The following EIF3H variants were observed in gnomAD, a reference collection of about 807,000 sequenced individuals.
EIF3H encodes eIF-3-gamma.
EIF3H carries 26 observed loss-of-function variants against 44.2 expected under a neutral mutation model. That is an observed-to-expected ratio of 0.59 (90% CI 0.43 to 0.82). The LOEUF (loss-of-function observed/expected upper bound fraction) is 0.82. EIF3H is among the 40% of genes least tolerant of loss of function. The pLI, the probability that EIF3H is intolerant of heterozygous loss-of-function variation, is 0.00. For synonymous variants in EIF3H, 166 were observed against 151.9 expected, an observed-to-expected ratio of 1.09 and a Z score of -0.68; for missense variants, 359 against 432.8, an observed-to-expected ratio of 0.83 and a Z score of 1.51.
chr8:116,749,852 G>A (rs185414642), intron 1 of EIF3H, among the ~76,000 whole-genome samples: 1 of 8,204 alleles, frequency 1.2e-4, no homozygotes, highest in East Asian at 8.8e-4. Context: ...AACAAGCCCT[G>A]TGGAGGGACT....
At chr8:116,713,831 G>GT (rs2130904443) in intron 2 of EIF3H, among the ~76,000 whole-genome samples, 1 of 152,034 alleles carries the variant, frequency 6.6e-6, no homozygotes, top group South Asian at 2.1e-4. Flanking sequence ...AAAATACTAC[G>GT]TAACAAAAAG....
chr8:116,684,246 G>T (rs983522898), intron 2 of EIF3H, among the ~76,000 whole-genome samples: 2 of 152,204 alleles, frequency 1.3e-5, no homozygotes, highest in African/African-American at 4.8e-5. Context: ...AAACTGGGCA[G>T]AAAGGATCAA....
chr8:116,749,762 G>T (rs941148808), intron 1 of EIF3H, among the ~76,000 whole-genome samples: 1 of 65,704 alleles, frequency 1.5e-5, no homozygotes, highest in African/African-American at 5.8e-5. Flanking sequence ...ACATGCTTAG[G>T]TAGGCTTATA....
chr8:116,756,094 G>T (rs558449707), upstream of EIF3H: 46 of 1,256,346 alleles, frequency 3.7e-5, no homozygotes, highest in African/African-American at 6.1e-4. Flanking sequence ...ATTACAGTTC[G>T]CATTATTTCT....
At chr8:116,686,890 C>T (rs1814087373) in intron 2 of EIF3H, among the ~76,000 whole-genome samples, 1 of 152,086 alleles carries the variant, frequency 6.6e-6, no homozygotes, top group African/African-American at 2.4e-5. Flanking sequence ...AATCTTCAAA[C>T]AATCTTATAC....
intron 2 of EIF3H, among the ~76,000 whole-genome samples, chr8:116,702,006 A>T (rs987677070): frequency 6.6e-6 from 1 of 151,600 alleles, no homozygotes; most frequent in Non-Finnish European, 1.5e-5. Flanking sequence ...TTTTTTTTTT[A>T]AATAAAAGAT....
chr8:116,729,494 C>T (rs1026722640), intron 1 of EIF3H, among the ~76,000 whole-genome samples: 1 of 152,190 alleles, frequency 6.6e-6, no homozygotes, highest in Admixed American at 6.5e-5. Flanking sequence ...GCTTGCCAAA[C>T]AGCCAATGCA....
rs184554178 is a variant in EIF3H, at chr8:116,696,929, A to T, written c.289+29087T>A. ...TTTTGTAAAAGAAAACACAAAACCAACAGTTAAGGCAGAACATGTACACAA... is the reference window on the plus strand; with the variant it reads ...TTTTGTAAAAGAAAACACAAAACCATCAGTTAAGGCAGAACATGTACACAA... On this transcript the variant is annotated intron_variant, in intron 2 of 7. Coordinates refer to ENST00000521861, the MANE Select transcript of EIF3H (RefSeq NM_003756.3). 9.2e-5 allele frequency: 30 copies of T among 325,276 alleles called. No individual in the cohort carries two copies. The East Asian group carries it at 2.3e-3, about 25-fold the overall frequency. The allele number at this position is 325,276 out of a possible 1,614,324, so 20.1% of individuals were successfully genotyped here. A position where few individuals can be genotyped will look rare whatever the true frequency, so the allele number is the denominator to read the frequency against.
chr8:116,714,239 T>C (rs1385669721), intron 2 of EIF3H, among the ~76,000 whole-genome samples: 1 of 152,136 alleles, frequency 6.6e-6, no homozygotes, highest in African/African-American at 2.4e-5. Flanking sequence ...GACACAACTT[T>C]CTTGTTTAAC....
intron 2 of EIF3H, among the ~76,000 whole-genome samples, chr8:116,713,785 A>G (rs1207597765): frequency 6.6e-6 from 1 of 152,136 alleles, no homozygotes; most frequent in South Asian, 2.1e-4. Flanking sequence ...ATTATTTAGC[A>G]GTAAATCACT....
chr8:116,688,784 CAA>C (rs1814123728), intron 2 of EIF3H, among the ~76,000 whole-genome samples: 1 of 152,020 alleles, frequency 6.6e-6, no homozygotes, highest in Non-Finnish European at 1.5e-5. Context: ...TCTTTTGCAA[CAA>C]AAAGTTTTTA....
At chr8:116,698,093 C>A (rs181780935) in intron 2 of EIF3H, among the ~76,000 whole-genome samples, 4 of 152,292 alleles carry the variant, frequency 2.6e-5, no homozygotes, top group Admixed American at 2.0e-4. Flanking sequence ...CTGTTTAACT[C>A]CAGAGACTAT....
intron 2 of EIF3H, among the ~76,000 whole-genome samples, chr8:116,667,410 G>T (rs1813687968): frequency 6.8e-6 from 1 of 147,386 alleles, no homozygotes; most frequent in Non-Finnish European, 1.5e-5. Flanking sequence ...GTAAATCAAG[G>T]AGAGAACGAC....
chr8:116,649,207 G>GA (rs1813351691), intron 5 of EIF3H, among the ~76,000 whole-genome samples: 1 of 152,182 alleles, frequency 6.6e-6, no homozygotes, highest in Admixed American at 6.5e-5. Flanking sequence ...CATACCTAGT[G>GA]AGACATCTAT....
At chr8:116,743,863 G>A (rs567995908) in intron 1 of EIF3H, among the ~76,000 whole-genome samples, 27 of 147,174 alleles carry the variant, frequency 1.8e-4, no homozygotes, top group African/African-American at 6.7e-4. Context: ...GGGAAATAAA[G>A]TTTGATTTTA....
At chr8:116,693,018 G>C (rs1278396559) in intron 2 of EIF3H, among the ~76,000 whole-genome samples, 1 of 152,124 alleles carries the variant, frequency 6.6e-6, no homozygotes, top group African/African-American at 2.4e-5. Context: ...TTACTTTGTA[G>C]AGAAGATTTT....
chr8:116,714,369 G>A (rs989721981), intron 2 of EIF3H, among the ~76,000 whole-genome samples: 2 of 151,934 alleles, frequency 1.3e-5, no homozygotes, highest in East Asian at 1.9e-4. Flanking sequence ...TTTTCCTTCC[G>A]TAGTCTGGAC....
chr8:116,661,270 AGAG>A lies in EIF3H; in HGVS notation c.290-2293_290-2291del, dbSNP rs1043623092. On this transcript the variant is annotated intron_variant, in intron 2 of 7. Transcript: ENST00000521861. ...GCTATTTATTTTAAAGGGAAAGGGA[AGAG>A]GAGAGATTAAGCAACTGACAGAACG... 2.5e-4 allele frequency among the ~76,000 whole-genome samples: 38 copies of A among 152,352 alleles called. No homozygotes were observed. In the Middle Eastern group the frequency reaches 0.024, roughly 95 times the overall value.
At chr8:116,743,319 T>G (rs1330149871) in intron 1 of EIF3H, among the ~76,000 whole-genome samples, 1 of 151,758 alleles carries the variant, frequency 6.6e-6, no homozygotes, top group Non-Finnish European at 1.5e-5. Context: ...CAGGCAAGGT[T>G]GCACACACCT....
Sources: gnomAD v4.1 joint callset for allele counts (sites outside exome capture counted in the v4.1 genomes callset) on GRCh38, gnomAD v4.1.1 for gene constraint, MANE v1.5 for transcripts, NCBI Gene and HGNC (gene_info 2026-07-23, HGNC 2026-07-21) for gene names.